Variants in COBL observed in about 807,000 individuals in gnomAD.
The protein encoded by COBL is protein cordon-bleu.
COBL carries 51 observed loss-of-function variants against 98.8 expected under a neutral mutation model. The observed-to-expected ratio is 0.52, with a 90% CI of 0.41 to 0.65. The LOEUF (loss-of-function observed/expected upper bound fraction) is 0.65. Among genes scored for constraint, COBL ranks in the 30% least tolerant of loss-of-function variants. The pLI, the probability that COBL is intolerant of heterozygous loss-of-function variation, is 0.00. For missense variants in COBL, 1,617 were observed against 1,617.5 expected, an observed-to-expected ratio of 1.00 and a Z score of 0.01; for synonymous variants, 634 against 651.7, an observed-to-expected ratio of 0.97 and a Z score of 0.41.
intron 7 of COBL, among the ~76,000 whole-genome samples, chr7:51,081,756 C>T (rs914795600): frequency 2.6e-5 from 4 of 152,128 alleles, no homozygotes; most frequent in African/African-American, 9.7e-5. Context: ...CTTTCCCTCA[C>T]TTTTTCCTGC....
At chr7:51,211,579 T>A (rs1485886021) in intron 2 of COBL, among the ~76,000 whole-genome samples, 3 of 152,184 alleles carry the variant, frequency 2.0e-5, no homozygotes, top group African/African-American at 7.2e-5. Context: ...TTCGCCTAGC[T>A]CAGGGCAGAG....
chr7:51,278,043 G>A (rs1799470518), intron 1 of COBL, among the ~76,000 whole-genome samples: 1 of 152,154 alleles, frequency 6.6e-6, no homozygotes, highest in South Asian at 2.1e-4. Context: ...CGGGCCCCTA[G>A]GGACGTCTCA....
chr7:51,119,574 A>G (rs1303127850), intron 6 of COBL, among the ~76,000 whole-genome samples: 1 of 152,192 alleles, frequency 6.6e-6, no homozygotes, highest in East Asian at 1.9e-4. Context: ...TAGTAAGTAA[A>G]GTTTTTAAGA....
intron 1 of COBL, among the ~76,000 whole-genome samples, chr7:51,224,647 A>G (rs9649865): frequency 0.42 from 63,607 of 151,934 alleles, 14,463 homozygotes; most frequent in Non-Finnish European, 0.51. Flanking sequence ...ACTGACAGAC[A>G]GCACACCACG....
intron 6 of COBL, 63 bp from the exon 7 acceptor site, chr7:51,085,367 G>A: frequency 7.1e-7 from 1 of 1,410,510 alleles, no homozygotes; most frequent in Non-Finnish European, 9.6e-7. Flanking sequence ...TACAAAGAAG[G>A]CAGTATTAGG....
At chr7:51,035,459 T>A (rs1329519160) in intron 8 of COBL, 1 of 151,802 alleles carries the variant, frequency 6.6e-6, no homozygotes, top group Non-Finnish European at 1.5e-5. Context: ...GATTTCAAAG[T>A]GATTACTTGA....
At chr7:51,108,917 GACACAC>G (rs1159629618) in intron 6 of COBL, among the ~76,000 whole-genome samples, 4 of 57,858 alleles carry the variant, frequency 6.9e-5, no homozygotes, top group South Asian at 1.3e-3. Flanking sequence ...CTGACACATA[GACACAC>G]ACACACACAC....
chr7:51,024,550 C>T (rs1373032666), intron 12 of COBL, among the ~76,000 whole-genome samples: 1 of 152,112 alleles, frequency 6.6e-6, no homozygotes, highest in African/African-American at 2.4e-5. Flanking sequence ...CAGCACAAGA[C>T]CAAAATGGAG....
At chr7:51,083,516 T>C (rs1206406422) in intron 7 of COBL, among the ~76,000 whole-genome samples, 5 of 152,208 alleles carry the variant, frequency 3.3e-5, no homozygotes, top group Middle Eastern at 3.2e-3. Context: ...CACAACTACA[T>C]AAATGCTGGG....
chr7:51,140,692 G>C (rs1405093282), intron 5 of COBL, among the ~76,000 whole-genome samples: 1 of 152,170 alleles, frequency 6.6e-6, no homozygotes, highest in Non-Finnish European at 1.5e-5. Context: ...TGCAGATCTA[G>C]CACCAGGCAG....
At chr7:51,205,640 G>GTTT (rs1318170016) in intron 2 of COBL, among the ~76,000 whole-genome samples, 10 of 107,532 alleles carry the variant, frequency 9.3e-5, no homozygotes, top group African/African-American at 3.1e-4. Flanking sequence ...TTGTTTTTTG[G>GTTT]TTTTTTGTTT....
intron 7 of COBL, among the ~76,000 whole-genome samples, chr7:51,047,700 T>C (rs1269191597): frequency 6.6e-6 from 1 of 152,168 alleles, no homozygotes; most frequent in East Asian, 1.9e-4. Flanking sequence ...CCTCGCCACC[T>C]CACACTGCTG....
chr7:51,206,713 GC>G (rs1408162601), intron 2 of COBL, among the ~76,000 whole-genome samples: 7 of 152,144 alleles, frequency 4.6e-5, no homozygotes, highest in African/African-American at 1.7e-4. Context: ...AGGAAATCCT[GC>G]CACGTGTGAC....
intron 6 of COBL, among the ~76,000 whole-genome samples, chr7:51,087,115 C>T (rs11526307): frequency 0.19 from 12,554 of 66,888 alleles, 743 homozygotes; most frequent in South Asian, 0.27. Flanking sequence ...CACACATACA[C>T]ACAAACACAC....
At chr7:51,303,720 A>C (rs980843305) in intron 1 of COBL, among the ~76,000 whole-genome samples, 3 of 152,158 alleles carry the variant, frequency 2.0e-5, no homozygotes, top group African/African-American at 7.2e-5. Context: ...TGCTGACCCA[A>C]CTCCAAACAG....
At chr7:51,032,618 T>G (rs1788273635) in intron 8 of COBL, 2 of 152,206 alleles carry the variant, frequency 1.3e-5, no homozygotes, top group Non-Finnish European at 2.9e-5. Context: ...TCCAGATTAG[T>G]CTCAGCTAAT....
chr7:51,073,747 T>G (rs1310124713), intron 7 of COBL, among the ~76,000 whole-genome samples: 1 of 152,200 alleles, frequency 6.6e-6, no homozygotes, highest in Non-Finnish European at 1.5e-5. Context: ...ATTTATTTCT[T>G]ACCTCTTGAA....
intron 1 of COBL, among the ~76,000 whole-genome samples, chr7:51,252,993 C>T (rs1430960632): frequency 2.6e-5 from 4 of 151,994 alleles, no homozygotes; most frequent in African/African-American, 9.7e-5. Flanking sequence ...GAGGCCGAGG[C>T]GGGCAGATCA....
chr7:51,058,181 A>G (rs949359157), intron 7 of COBL, among the ~76,000 whole-genome samples: 1 of 152,088 alleles, frequency 6.6e-6, no homozygotes, highest in Non-Finnish European at 1.5e-5. Context: ...AATCAGATAC[A>G]TTGCCCTTCT....
Sources: allele counts gnomAD v4.1 joint callset (sites outside exome capture counted in the v4.1 genomes callset), GRCh38; gene constraint gnomAD v4.1.1; transcripts MANE v1.5; gene names NCBI Gene and HGNC (gene_info 2026-07-23, HGNC 2026-07-21).